EPB41L4A: variants seen among roughly 807,000 people sequenced by gnomAD.
EPB41L4A encodes band 4.1-like protein 4A.
In EPB41L4A, 100 loss-of-function variants were observed where a neutral mutation model predicts 108.6. That is an observed-to-expected ratio of 0.92 (90% CI 0.78 to 1.09). EPB41L4A has a LOEUF of 1.09. EPB41L4A is among the 50% of genes least tolerant of loss of function. The pLI, the probability that EPB41L4A is intolerant of heterozygous loss-of-function variation, is 0.00. For missense variants in EPB41L4A, 1,030 were observed against 842.7 expected, an observed-to-expected ratio of 1.22 and a Z score of -2.75; for synonymous variants, 319 against 289.0, an observed-to-expected ratio of 1.10 and a Z score of -1.05.
At chr5:112,321,219 G>A (rs573642302) in intron 1 of EPB41L4A, among the ~76,000 whole-genome samples, 2 of 152,300 alleles carry the variant, frequency 1.3e-5, no homozygotes, top group African/African-American at 4.8e-5. Context: ...GATCAGGACT[G>A]GAAGACCAAT....
At chr5:112,296,161 T>C (rs1157511735) in intron 2 of EPB41L4A, among the ~76,000 whole-genome samples, 1 of 152,124 alleles carries the variant, frequency 6.6e-6, no homozygotes, top group African/African-American at 2.4e-5. Flanking sequence ...AAATATAAAG[T>C]ATATAATTAG....
intron 2 of EPB41L4A, among the ~76,000 whole-genome samples, chr5:112,292,449 G>C (rs1753709342): frequency 6.6e-6 from 1 of 152,054 alleles, no homozygotes; most frequent in Non-Finnish European, 1.5e-5. Context: ...AATTCATAAA[G>C]CAGCTCTCAA....
chr5:112,310,617 A>C (rs1754986941), intron 1 of EPB41L4A, among the ~76,000 whole-genome samples: 1 of 152,190 alleles, frequency 6.6e-6, no homozygotes, highest in South Asian at 2.1e-4. Context: ...AGTTTTATCA[A>C]GTTCTTTTTG....
intron 1 of EPB41L4A, among the ~76,000 whole-genome samples, chr5:112,397,359 G>T (rs1412160140): frequency 6.6e-6 from 1 of 152,134 alleles, no homozygotes; most frequent in Admixed American, 6.5e-5. Context: ...TTTTACCATA[G>T]CAAAATAGCC....
intron 13 of EPB41L4A, among the ~76,000 whole-genome samples, chr5:112,145,706 A>C (rs56010932): frequency 0.18 from 27,665 of 152,136 alleles, 2,838 homozygotes; most frequent in African/African-American, 0.28. Flanking sequence ...AATTTATTCT[A>C]TTTAATTTCA....
intron 12 of EPB41L4A, among the ~76,000 whole-genome samples, chr5:112,220,872 G>A (rs938836200): frequency 2.6e-5 from 4 of 152,120 alleles, no homozygotes; most frequent in African/African-American, 9.7e-5. Flanking sequence ...AAACCAAGAA[G>A]AATCCAAACA....
intron 17 of EPB41L4A, among the ~76,000 whole-genome samples, chr5:112,187,081 CACAA>C (rs1236041977): frequency 6.6e-6 from 1 of 152,046 alleles, no homozygotes; most frequent in African/African-American, 2.4e-5. Context: ...AATAAAATAC[CACAA>C]ACATTGTTTT....
intron 12 of EPB41L4A, among the ~76,000 whole-genome samples, chr5:112,234,163 A>G (rs898302004): frequency 2.7e-5 from 4 of 147,772 alleles, no homozygotes; most frequent in African/African-American, 7.4e-5. Flanking sequence ...AATAAAATAA[A>G]ATAATATAAA....
At chr5:112,171,678 CA>C (rs1760588901) in intron 18 of EPB41L4A, among the ~76,000 whole-genome samples, 1 of 152,224 alleles carries the variant, frequency 6.6e-6, no homozygotes, top group African/African-American at 2.4e-5. Flanking sequence ...ATTCAGTCAG[CA>C]TTCAAGTGTT....
At chr5:112,334,201 G>A (rs924405197) in intron 1 of EPB41L4A, among the ~76,000 whole-genome samples, 1 of 152,034 alleles carries the variant, frequency 6.6e-6, no homozygotes, top group East Asian at 1.9e-4. Flanking sequence ...ACCTGACTTT[G>A]GTATATAACA....
intron 1 of EPB41L4A, among the ~76,000 whole-genome samples, chr5:112,382,059 A>C (rs1173927197): frequency 6.6e-6 from 1 of 152,270 alleles, no homozygotes. Flanking sequence ...ACGGCAGTGC[A>C]CATCAGTTAG....
At chr5:112,398,372 A>G (rs971686510) in intron 1 of EPB41L4A, among the ~76,000 whole-genome samples, 1 of 152,030 alleles carries the variant, frequency 6.6e-6, no homozygotes, top group African/African-American at 2.4e-5. Flanking sequence ...ATGCTTCTTT[A>G]GAATGTGGGG....
At chr5:112,171,773 A>G (rs1760593938) in intron 18 of EPB41L4A, among the ~76,000 whole-genome samples, 1 of 152,244 alleles carries the variant, frequency 6.6e-6, no homozygotes, top group African/African-American at 2.4e-5. Context: ...GTTGACACAG[A>G]ATGATTTTTC....
At chr5:112,411,667 T>A (rs1385192076) in intron 1 of EPB41L4A, among the ~76,000 whole-genome samples, 1 of 151,008 alleles carries the variant, frequency 6.6e-6, no homozygotes, top group Admixed American at 6.6e-5. Flanking sequence ...AAGCCAGTAA[T>A]TACAAGGCAG....
At chr5:112,350,863 A>G (rs1050507063) in intron 1 of EPB41L4A, among the ~76,000 whole-genome samples, 6 of 144,814 alleles carry the variant, frequency 4.1e-5, no homozygotes, top group African/African-American at 1.7e-4. Flanking sequence ...TTCTCTATCC[A>G]TTCATCCATT....
chr5:112,160,501 C>G (rs563585083), downstream of EPB41L4A: 1 of 152,488 alleles, frequency 6.6e-6, no homozygotes, highest in East Asian at 1.9e-4. Flanking sequence ...TGACTCTACT[C>G]TTCCTCAGCT....
chr5:112,280,241 C>T (rs904379971), intron 3 of EPB41L4A, 31 bp downstream of exon 3: 4 of 1,600,060 alleles, frequency 2.5e-6, no homozygotes, highest in African/African-American at 1.3e-5. Context: ...TTTCAAGCCA[C>T]CCTTTAACAA....
chr5:112,265,478 C>A (rs1751783809), intron 5 of EPB41L4A, among the ~76,000 whole-genome samples: 1 of 152,152 alleles, frequency 6.6e-6, no homozygotes, highest in African/African-American at 2.4e-5. Flanking sequence ...TATCCCATTA[C>A]AATTTACACA....
At chr5:112,273,907 A>G (rs544792228) in intron 4 of EPB41L4A, among the ~76,000 whole-genome samples, 4 of 152,248 alleles carry the variant, frequency 2.6e-5, no homozygotes, top group African/African-American at 9.6e-5. Flanking sequence ...GTGCTCTGCA[A>G]AAGCTTAAAC....
Sources: allele counts gnomAD v4.1 joint callset (sites outside exome capture counted in the v4.1 genomes callset), GRCh38; gene constraint gnomAD v4.1.1; transcripts MANE v1.5; gene names NCBI Gene and HGNC (gene_info 2026-07-23, HGNC 2026-07-21).